The following PCED1B variants were observed in gnomAD, a reference collection of about 807,000 sequenced individuals.
The protein encoded by PCED1B is PC-esterase domain-containing protein 1B.
For missense variants in PCED1B, 573 were observed against 573.9 expected (o/e 1.00, Z 0.02); for synonymous variants, 251 against 246.1 (o/e 1.02, Z -0.19).
intron 3 of PCED1B, 81 bp from the exon 4 acceptor site, chr12:47,234,926 A>G (rs1943923536): frequency 4.4e-6 from 3 of 687,252 alleles, no homozygotes; most frequent in Non-Finnish European, 6.7e-6. Context: ...CCCCTTCCCC[A>G]TGGTCTCCCT....
At chr12:47,174,493 T>A (rs1161926186) in intron 2 of PCED1B, among the ~76,000 whole-genome samples, 10 of 151,866 alleles carry the variant, frequency 6.6e-5, no homozygotes. Flanking sequence ...CAAATTAAGC[T>A]CTTTAACCCA....
chr12:47,223,257 G>C (rs1943539475), intron 3 of PCED1B, among the ~76,000 whole-genome samples: 2 of 152,134 alleles, frequency 1.3e-5, no homozygotes, highest in African/African-American at 2.4e-5. Flanking sequence ...GCAGTCAGTA[G>C]TGCCCCTACC....
intron 2 of PCED1B, chr12:47,135,852 G>A: frequency 2.2e-6 from 1 of 453,500 alleles, no homozygotes; most frequent in Non-Finnish European, 4.4e-6. Context: ...ATGGTTGGTG[G>A]AGCGGCCGGT....
chr12:47,220,020 C>A (rs1048275286), intron 3 of PCED1B, among the ~76,000 whole-genome samples: 2 of 147,048 alleles, frequency 1.4e-5, no homozygotes, highest in African/African-American at 5.0e-5. Context: ...CTGCAGTGAG[C>A]CGTGATCATG....
chr12:47,092,390 A>G (rs926400429), intron 1 of PCED1B, among the ~76,000 whole-genome samples: 1 of 151,990 alleles, frequency 6.6e-6, no homozygotes, highest in African/African-American at 2.4e-5. Flanking sequence ...TTCCCTTCCT[A>G]TATTCTCTTA....
At chr12:47,084,409 ACTGT>A (rs1206065341) in intron 1 of PCED1B, among the ~76,000 whole-genome samples, 2 of 152,174 alleles carry the variant, frequency 1.3e-5, no homozygotes, top group Non-Finnish European at 1.5e-5. Context: ...TAAGTCAGAG[ACTGT>A]CTGTATTTTC....
Position 47,117,084 on chromosome 12 carries a change from G to GTGA in PCED1B, c.-526+12891_-526+12893dup, listed in dbSNP as rs1313670192. On this transcript the variant is annotated intron_variant, in intron 2 of 3. Transcript: ENST00000546455. ...GCTGATCTTGAGCTCCTGGGCTGAAGTGATCCTCCCACCATGGACTCCCAG... is the reference window on the plus strand; with the variant it reads ...GCTGATCTTGAGCTCCTGGGCTGAAGTGATGATCCTCCCACCATGGACTCCCAG... 7.2e-5 allele frequency among the ~76,000 whole-genome samples: 11 copies of GTGA among 152,294 alleles called. No homozygotes were observed. The East Asian group carries it at 2.1e-3, about 29-fold the overall frequency.
chr12:47,131,058 A>T (rs1592178135), intron 2 of PCED1B, among the ~76,000 whole-genome samples: 1 of 152,236 alleles, frequency 6.6e-6, no homozygotes, highest in East Asian at 1.9e-4. Context: ...GTTTTTAAAA[A>T]CTGAAGATAT....
chr12:47,106,818 C>T (rs1938973000), intron 2 of PCED1B, among the ~76,000 whole-genome samples: 1 of 152,104 alleles, frequency 6.6e-6, no homozygotes, highest in South Asian at 2.1e-4. Flanking sequence ...CTCTGCCTCT[C>T]ATCCAGGTGA....
chr12:47,228,018 C>G (rs1055604597), intron 3 of PCED1B, among the ~76,000 whole-genome samples: 1 of 149,494 alleles, frequency 6.7e-6, no homozygotes, highest in Non-Finnish European at 1.5e-5. Context: ...TTTGGCTCTT[C>G]TTCTTTGTTT....
chr12:47,175,217 A>G (rs1941883826), intron 2 of PCED1B, among the ~76,000 whole-genome samples: 1 of 152,180 alleles, frequency 6.6e-6, no homozygotes, highest in Non-Finnish European at 1.5e-5. Flanking sequence ...TTTATCTTAG[A>G]ATTATAATCT....
intron 2 of PCED1B, among the ~76,000 whole-genome samples, chr12:47,171,351 G>A (rs1393463728): frequency 6.6e-6 from 1 of 152,140 alleles, no homozygotes; most frequent in East Asian, 1.9e-4. Context: ...ACAGGCGTGA[G>A]CCACCGTGCC....
intron 1 of PCED1B, among the ~76,000 whole-genome samples, chr12:47,081,955 A>T (rs1386042220): frequency 6.6e-6 from 1 of 152,258 alleles, no homozygotes; most frequent in Non-Finnish European, 1.5e-5. Flanking sequence ...AAATGCACTC[A>T]AAATCCATAG....
intron 3 of PCED1B, among the ~76,000 whole-genome samples, chr12:47,228,734 A>G (rs1943709368): frequency 6.6e-6 from 1 of 151,852 alleles, no homozygotes; most frequent in African/African-American, 2.4e-5. Context: ...TTAGCCGGGC[A>G]TGGTGATGCA....
intron 2 of PCED1B, among the ~76,000 whole-genome samples, chr12:47,111,870 G>GTT (rs1232338480): frequency 6.6e-6 from 1 of 152,214 alleles, no homozygotes; most frequent in African/African-American, 2.4e-5. Flanking sequence ...GGGAGCCGAT[G>GTT]TCATTTTGTA....
chr12:47,109,403 GTC>G (rs1939096307), intron 2 of PCED1B, among the ~76,000 whole-genome samples: 1 of 150,242 alleles, frequency 6.7e-6, no homozygotes, highest in South Asian at 2.1e-4. Flanking sequence ...GTCTTTAAAA[GTC>G]TTCACAGGCA....
chr12:47,190,282 G>A (rs1455458639), intron 2 of PCED1B, among the ~76,000 whole-genome samples: 1 of 152,200 alleles, frequency 6.6e-6, no homozygotes, highest in Admixed American at 6.5e-5. Context: ...GCAAGTGAAA[G>A]CCTGCCCCAT....
intron 2 of PCED1B, among the ~76,000 whole-genome samples, chr12:47,190,862 G>A (rs1269261709): frequency 6.6e-6 from 1 of 152,212 alleles, no homozygotes; most frequent in African/African-American, 2.4e-5. Context: ...GCTTTTACGA[G>A]TAAGGTAGAT....
At chr12:47,151,724 G>T (rs1940998951) in intron 2 of PCED1B, among the ~76,000 whole-genome samples, 1 of 152,196 alleles carries the variant, frequency 6.6e-6, no homozygotes, top group Non-Finnish European at 1.5e-5. Context: ...CAAGGTCCCA[G>T]CTAGAGGACC....
Sources: gnomAD v4.1 joint callset for allele counts (sites outside exome capture counted in the v4.1 genomes callset) on GRCh38, gnomAD v4.1.1 for gene constraint, MANE v1.5 for transcripts, NCBI Gene and HGNC (gene_info 2026-07-23, HGNC 2026-07-21) for gene names.